Variants in MSTO1 observed in about 807,000 individuals in gnomAD.
MSTO1 encodes protein misato homolog 1.
A neutral mutation model predicts 55.7 loss-of-function variants in MSTO1; 24 were observed. The ratio of observed to expected loss-of-function variants is 0.43; its 90% confidence interval spans 0.31 to 0.61. MSTO1 has a LOEUF of 0.61. Among genes scored for constraint, MSTO1 ranks in the 20% least tolerant of loss-of-function variants. The pLI is 0.09. For synonymous variants in MSTO1, 162 were observed against 252.8 expected (o/e 0.64, Z 3.41); for missense variants, 363 against 625.7 (o/e 0.58, Z 4.48).
At chr1:155,586,130 C>T in the MSTO1 span, among the ~76,000 whole-genome samples, 5 of 151,100 alleles carry the variant, frequency 3.3e-5, no homozygotes, top group African/African-American at 4.9e-5. Flanking sequence ...AATTTGTACT[C>T]TGCTAATATG....
the MSTO1 span, among the ~76,000 whole-genome samples, chr1:155,571,318 T>G: frequency 6.6e-6 from 1 of 152,146 alleles, no homozygotes; most frequent in Non-Finnish European, 1.5e-5. Context: ...TTTTCTGTGA[T>G]TTCATTGTTG....
the MSTO1 span, among the ~76,000 whole-genome samples, chr1:155,600,855 T>A: frequency 2.0e-5 from 3 of 151,848 alleles, no homozygotes; most frequent in African/African-American, 7.3e-5. Flanking sequence ...TTTTTGTATT[T>A]TTAGTAGAGA....
rs745401781 is a variant in MSTO1 at position 155,611,437 on chromosome 1, C to T, written c.367-112C>T. On this transcript the variant is annotated intron_variant, in intron 4 of 13. Coordinates refer to ENST00000245564, the MANE Select transcript of MSTO1 (RefSeq NM_018116.4). ...ACTCCTTTTCCTAAGGACTGCGACT[C>T]GGTGAACAGAAAGGAGGCTATGCGG... 52 of 1,606,390 alleles carry T rather than the reference C, an allele frequency of 3.2e-5. No homozygotes were observed. In the East Asian group the frequency reaches 4.9e-4, roughly 15 times the overall value.
At chr1:155,597,338 CG>C in the MSTO1 span, among the ~76,000 whole-genome samples, 5 of 150,458 alleles carry the variant, frequency 3.3e-5, no homozygotes, top group Non-Finnish European at 7.4e-5. Flanking sequence ...GGCATAGTGG[CG>C]GGCGCCTGTA....
the MSTO1 span, among the ~76,000 whole-genome samples, chr1:155,595,176 G>T: frequency 2.5e-3 from 253 of 102,486 alleles, 3 homozygotes; most frequent in South Asian, 0.015. Context: ...CAGGTTTGTT[G>T]TTTTTTTTTT....
Position 155,612,831 on chromosome 1 carries a change from T to C in MSTO1, c.967-13T>C. The C allele has an allele frequency of 6.2e-7, 1 of 1,613,612 alleles. No individual in the cohort carries two copies. The highest frequency in any genetic ancestry group is 8.5e-7 in the Non-Finnish European group (1 of 1,179,692). On this transcript the variant is annotated splice_polypyrimidine_tract_variant and intron_variant, in intron 9 of 13. Coordinates refer to ENST00000245564, the MANE Select transcript of MSTO1 (RefSeq NM_018116.4). ...GCCTGAGGCCAAGTGCCCATCTTGGTGTCTTCTTACAGGCCACTCTGCCCT... is the reference window on the plus strand; with the variant it reads ...GCCTGAGGCCAAGTGCCCATCTTGGCGTCTTCTTACAGGCCACTCTGCCCT...
the MSTO1 span, among the ~76,000 whole-genome samples, chr1:155,567,465 C>T: frequency 6.6e-6 from 1 of 152,082 alleles, no homozygotes; most frequent in Non-Finnish European, 1.5e-5. Context: ...GCGCCCGCCA[C>T]TGCGCCCGGC....
At chr1:155,572,968 A>G in the MSTO1 span, among the ~76,000 whole-genome samples, 1 of 152,088 alleles carries the variant, frequency 6.6e-6, no homozygotes, top group Non-Finnish European at 1.5e-5. Flanking sequence ...AATTCTTAGA[A>G]TGGTAGATCA....
chr1:155,614,898 T>G lies in MSTO1; in HGVS notation c.*625T>G. Reference sequence around the variant, plus strand: ...AAGAAAGGAGGAGGGCTGTATTCACTGATCCTTAGTAACATGTTAACATTT... The same window carrying G: ...AAGAAAGGAGGAGGGCTGTATTCACGGATCCTTAGTAACATGTTAACATTT... On this transcript the variant is annotated 3_prime_UTR_variant, in exon 14 of 14. Transcript: ENST00000245564. The G allele has an allele frequency of 2.1e-6, 3 of 1,445,896 alleles. No homozygotes were observed. Among genetic ancestry groups the G allele is most frequent in the Non-Finnish European group, 2.9e-6 (3 of 1,048,904 alleles). The allele number at this position is 1,445,896 out of a possible 1,614,324, so 89.6% of individuals were successfully genotyped here.
chr1:155,581,608 C>T, the MSTO1 span, among the ~76,000 whole-genome samples: 18 of 152,096 alleles, frequency 1.2e-4, no homozygotes, highest in Non-Finnish European at 2.4e-4. Context: ...GATGGGGTTT[C>T]GCCATGTTGA....
the MSTO1 span, among the ~76,000 whole-genome samples, chr1:155,583,974 C>T: frequency 2.0e-4 from 31 of 152,168 alleles, no homozygotes; most frequent in Non-Finnish European, 3.4e-4. Flanking sequence ...GTAGAGACCA[C>T]CCCAGTCTTA....
At chr1:155,575,579 T>A in the MSTO1 span, among the ~76,000 whole-genome samples, 1 of 151,612 alleles carries the variant, frequency 6.6e-6, no homozygotes, top group Non-Finnish European at 1.5e-5. Context: ...AATAGCTGGG[T>A]CCACAGTGGC....
At chr1:155,564,566 T>G in the MSTO1 span, among the ~76,000 whole-genome samples, 1 of 152,200 alleles carries the variant, frequency 6.6e-6, no homozygotes, top group South Asian at 2.1e-4. Context: ...ATTTCCCCTT[T>G]AGGATACGTG....
the MSTO1 span, among the ~76,000 whole-genome samples, chr1:155,572,649 A>T: frequency 1.3e-5 from 2 of 150,918 alleles, no homozygotes; most frequent in Non-Finnish European, 3.0e-5. Flanking sequence ...GAGATGGAGA[A>T]TTTTTTTTTC....
chr1:155,601,899 C>T, the MSTO1 span, among the ~76,000 whole-genome samples: 2 of 152,008 alleles, frequency 1.3e-5, no homozygotes, highest in African/African-American at 2.4e-5. Flanking sequence ...GGACTACAGG[C>T]GCCTGCCACT....
At chr1:155,588,748 C>G in the MSTO1 span, among the ~76,000 whole-genome samples, 1 of 152,118 alleles carries the variant, frequency 6.6e-6, no homozygotes, top group East Asian at 1.9e-4. Context: ...CGGGATTAGT[C>G]GAGTCAGCAG....
the MSTO1 span, among the ~76,000 whole-genome samples, chr1:155,600,556 CT>C: frequency 3.3e-5 from 5 of 149,890 alleles, no homozygotes; most frequent in Admixed American, 1.3e-4. Flanking sequence ...TTTTTTCTTT[CT>C]TTTTTTTTGA....
At chr1:155,591,884 A>C in the MSTO1 span, among the ~76,000 whole-genome samples, 1 of 151,966 alleles carries the variant, frequency 6.6e-6, no homozygotes, top group Admixed American at 6.6e-5. Context: ...CAGGAGGATC[A>C]TGCGGGCCCA....
the MSTO1 span, among the ~76,000 whole-genome samples, chr1:155,589,297 C>CAA: frequency 7.3e-6 from 1 of 137,264 alleles, no homozygotes; most frequent in African/African-American, 2.7e-5. Context: ...GACTCCATCT[C>CAA]AAAAAAAAAA....
Sources: allele counts gnomAD v4.1 joint callset (sites outside exome capture counted in the v4.1 genomes callset), GRCh38; gene constraint gnomAD v4.1.1; transcripts MANE v1.5; gene names NCBI Gene and HGNC (gene_info 2026-07-23, HGNC 2026-07-21).